Variants in VPS13B observed in about 807,000 individuals in gnomAD.
VPS13B encodes vacuolar protein sorting 13 homolog B.
Under a neutral mutation model 426.4 loss-of-function variants are expected in VPS13B, and 285 were observed. The ratio of observed to expected loss-of-function variants is 0.67; its 90% CI spans 0.61 to 0.74. VPS13B has a LOEUF of 0.74. VPS13B is among the 30% of genes least tolerant of loss of function. The probability of loss-of-function intolerance (pLI) is 0.00; values close to 1 mark genes in which losing one functional copy is unlikely to be tolerated. For missense variants in VPS13B, 4,537 were observed against 4,782.6 expected, an observed-to-expected ratio of 0.95 and a Z score of 1.51; for synonymous variants, 1,676 against 1,676.4, an observed-to-expected ratio of 1.00 and a Z score of 0.01.
At chr8:99,261,782 A>T (rs1230038544) in intron 17 of VPS13B, among the ~76,000 whole-genome samples, 1 of 152,164 alleles carries the variant, frequency 6.6e-6, no homozygotes, top group African/African-American at 2.4e-5. Flanking sequence ...CTAAGAATGT[A>T]TGTGGTTAGT....
At chr8:99,399,924 T>A (rs775909089) in intron 21 of VPS13B, among the ~76,000 whole-genome samples, 32 of 152,178 alleles carry the variant, frequency 2.1e-4, no homozygotes, top group Non-Finnish European at 3.5e-4. Context: ...TGTTGGATCG[T>A]TTTCTTGAGA....
intron 16 of VPS13B, among the ~76,000 whole-genome samples, chr8:99,182,759 C>T (rs997804662): frequency 3.3e-5 from 5 of 152,124 alleles, no homozygotes; most frequent in African/African-American, 9.7e-5. Context: ...TTCTTTGAGA[C>T]GGAGTCTTGC....
At chr8:99,834,952 T>C (rs1815305676) in intron 52 of VPS13B, among the ~76,000 whole-genome samples, 1 of 152,232 alleles carries the variant, frequency 6.6e-6, no homozygotes, top group South Asian at 2.1e-4. Flanking sequence ...ACAGGAAATA[T>C]TAGCACAAGG....
At chr8:99,338,592 C>G (rs891716837) in intron 19 of VPS13B, among the ~76,000 whole-genome samples, 5 of 152,012 alleles carry the variant, frequency 3.3e-5, no homozygotes, top group African/African-American at 1.2e-4. Flanking sequence ...TTAATTTTAG[C>G]TTTTATTTTG....
intron 17 of VPS13B, chr8:99,232,992 G>C: frequency 1.3e-6 from 1 of 753,934 alleles, no homozygotes; most frequent in South Asian, 1.6e-5. Context: ...GTCTCATTTT[G>C]TCAGGTGTTG....
At chr8:99,613,312 A>G (rs550594964) in intron 33 of VPS13B, among the ~76,000 whole-genome samples, 14 of 152,348 alleles carry the variant, frequency 9.2e-5, no homozygotes, top group Non-Finnish European at 1.9e-4. Context: ...CCAGTGACCA[A>G]TGATAAATTC....
chr8:99,293,171 A>G (rs1819832323), intron 19 of VPS13B, among the ~76,000 whole-genome samples: 1 of 146,686 alleles, frequency 6.8e-6, no homozygotes, highest in African/African-American at 2.5e-5. Flanking sequence ...CCAAAACAGC[A>G]TGGTACTGGT....
At chr8:99,028,253 C>A (rs918673883) in intron 2 of VPS13B, among the ~76,000 whole-genome samples, 1 of 151,894 alleles carries the variant, frequency 6.6e-6, no homozygotes, top group African/African-American at 2.4e-5. Flanking sequence ...GGGTCGTGGC[C>A]GGGCAGAGGG....
chr8:99,035,121 G>A (rs185727142), intron 2 of VPS13B, among the ~76,000 whole-genome samples: 7 of 152,252 alleles, frequency 4.6e-5, no homozygotes, highest in East Asian at 1.9e-4. Flanking sequence ...GGAGTTTGAG[G>A]TTTCAGTGAG....
chr8:99,392,688 A>T (rs1814509539), intron 21 of VPS13B, among the ~76,000 whole-genome samples: 2 of 152,230 alleles, frequency 1.3e-5, no homozygotes, highest in East Asian at 3.9e-4. Context: ...GTCGTATTTA[A>T]CAACCAAAAT....
intron 36 of VPS13B, among the ~76,000 whole-genome samples, chr8:99,700,296 C>T (rs1832212313): frequency 6.6e-6 from 1 of 152,190 alleles, no homozygotes. Flanking sequence ...GCAGCATCAG[C>T]ATCACCTGGG....
At chr8:99,665,678 A>G (rs1316480493) in intron 35 of VPS13B, among the ~76,000 whole-genome samples, 1 of 152,112 alleles carries the variant, frequency 6.6e-6, no homozygotes, top group Non-Finnish European at 1.5e-5. Context: ...ATTGGTCTAT[A>G]GCTCTGTTTT....
chr8:99,657,045 T>C (rs1460942995), intron 34 of VPS13B, among the ~76,000 whole-genome samples: 1 of 152,212 alleles, frequency 6.6e-6, no homozygotes, highest in Non-Finnish European at 1.5e-5. Context: ...TTGGATTCCT[T>C]GGATGGATTT....
chr8:99,288,801 A>G (rs1332606728), intron 19 of VPS13B, among the ~76,000 whole-genome samples: 1 of 152,100 alleles, frequency 6.6e-6, no homozygotes, highest in Non-Finnish European at 1.5e-5. Context: ...AAGAACCTTC[A>G]ATGACTTATG....
intron 58 of VPS13B, among the ~76,000 whole-genome samples, chr8:99,866,408 G>T (rs1356994536): frequency 6.6e-6 from 1 of 152,218 alleles, no homozygotes; most frequent in Non-Finnish European, 1.5e-5. Flanking sequence ...GTTGGTGTGT[G>T]TGACAGGCCA....
intron 17 of VPS13B, among the ~76,000 whole-genome samples, chr8:99,199,004 C>T (rs1487968174): frequency 2.0e-5 from 3 of 152,126 alleles, no homozygotes; most frequent in Non-Finnish European, 2.9e-5. Context: ...ACTCTCATTA[C>T]ATAGTACTCA....
chr8:99,314,109 C>T (rs376694711), intron 19 of VPS13B, among the ~76,000 whole-genome samples: 7 of 152,280 alleles, frequency 4.6e-5, no homozygotes, highest in East Asian at 1.9e-4. Flanking sequence ...TGACCCTTTG[C>T]GCTTCCCTGG....
chr8:99,234,016 T>G, intron 17 of VPS13B: 1 of 774,748 alleles, frequency 1.3e-6, no homozygotes. Context: ...AGCCCTCCTT[T>G]CAGACCATGG....
intron 16 of VPS13B, among the ~76,000 whole-genome samples, chr8:99,191,133 A>G (rs186641224): frequency 6.6e-6 from 1 of 151,592 alleles, no homozygotes; most frequent in Non-Finnish European, 1.5e-5. Context: ...TCTGTTCTGC[A>G]TGATTTCTGA....
Sources: gnomAD v4.1 joint callset for allele counts (sites outside exome capture counted in the v4.1 genomes callset) on GRCh38, gnomAD v4.1.1 for gene constraint, MANE v1.5 for transcripts, NCBI Gene and HGNC (gene_info 2026-07-23, HGNC 2026-07-21) for gene names.